The following ATXN7L1 variants were observed in gnomAD, a reference collection of about 807,000 sequenced individuals.
ATXN7L1 encodes the protein ataxin 7 like 1.
In ATXN7L1, 15 loss-of-function variants were observed where a neutral mutation model predicts 70.8. That is an observed-to-expected ratio of 0.21 (90% CI 0.14 to 0.33). The LOEUF is 0.33. Among genes scored for constraint, ATXN7L1 ranks in the 10% least tolerant of loss-of-function variants. The pLI is 1.00. For synonymous variants in ATXN7L1, 440 were observed against 445.1 expected (o/e 0.99, Z 0.14); for missense variants, 975 against 1,097.1 (o/e 0.89, Z 1.57).
intron 11 of ATXN7L1, 121 bp downstream of exon 11, chr7:105,610,408 G>A (rs555585410): frequency 3.4e-5 from 30 of 888,556 alleles, no homozygotes; most frequent in Non-Finnish European, 5.0e-5. Flanking sequence ...TGGAAGCCAG[G>A]TAGCCATGCT....
intron 3 of ATXN7L1, chr7:105,760,180 T>G: frequency 1.0e-6 from 1 of 982,848 alleles, no homozygotes. Context: ...TGTCCATCTA[T>G]CCAACCATCC....
chr7:105,849,175 G>A (rs528518093), intron 2 of ATXN7L1, among the ~76,000 whole-genome samples: 1 of 152,222 alleles, frequency 6.6e-6, no homozygotes, highest in Non-Finnish European at 1.5e-5. Flanking sequence ...GGCCTGAGAG[G>A]AGATGGACAA....
chr7:105,651,893 C>T (rs1799900882), intron 4 of ATXN7L1, among the ~76,000 whole-genome samples: 1 of 152,150 alleles, frequency 6.6e-6, no homozygotes. Context: ...CTCTATAAGC[C>T]CCCCTCTAGG....
chr7:105,834,372 C>T (rs944071963), intron 2 of ATXN7L1, among the ~76,000 whole-genome samples: 1 of 152,164 alleles, frequency 6.6e-6, no homozygotes, highest in South Asian at 2.1e-4. Flanking sequence ...TTGGCTTCAC[C>T]CAGCTGTATA....
chr7:105,720,708 G>A (rs1015883601), intron 3 of ATXN7L1, among the ~76,000 whole-genome samples: 4 of 152,078 alleles, frequency 2.6e-5, no homozygotes, highest in Non-Finnish European at 4.4e-5. Context: ...TAGGCTCAGC[G>A]ATCCTCCAGC....
At chr7:105,750,078 T>C (rs896405125) in intron 3 of ATXN7L1, among the ~76,000 whole-genome samples, 1 of 151,878 alleles carries the variant, frequency 6.6e-6, no homozygotes, top group African/African-American at 2.4e-5. Flanking sequence ...TTCTTCCCAC[T>C]CATTTAAGTG....
intron 2 of ATXN7L1, among the ~76,000 whole-genome samples, chr7:105,792,485 A>G (rs1228619876): frequency 6.6e-6 from 1 of 152,232 alleles, no homozygotes; most frequent in African/African-American, 2.4e-5. Flanking sequence ...GCTGGGGGAC[A>G]AAGCAGGGAG....
intron 7 of ATXN7L1, 128 bp from the exon 8 acceptor site, chr7:105,624,395 TA>T: frequency 1.1e-6 from 1 of 943,034 alleles, no homozygotes; most frequent in Non-Finnish European, 1.4e-6. Flanking sequence ...CTCACGCCTG[TA>T]ATCCCGGCAC....
At chr7:105,799,239 G>T (rs1440382159) in intron 2 of ATXN7L1, among the ~76,000 whole-genome samples, 3 of 152,204 alleles carry the variant, frequency 2.0e-5, no homozygotes, top group Non-Finnish European at 4.4e-5. Context: ...ATCGCAGCAG[G>T]CCTCAGCTGT....
chr7:105,613,807 C>T (rs1047787455), intron 10 of ATXN7L1, 55 bp downstream of exon 10: 2 of 1,551,464 alleles, frequency 1.3e-6, no homozygotes, highest in Non-Finnish European at 1.7e-6. Context: ...AGGGGCGCTG[C>T]CCAGCTCCCC....
intron 3 of ATXN7L1, among the ~76,000 whole-genome samples, chr7:105,685,927 C>A (rs1195549078): frequency 6.6e-6 from 1 of 152,206 alleles, no homozygotes; most frequent in Non-Finnish European, 1.5e-5. Flanking sequence ...GGTCAGAGGT[C>A]ACCTGTTGGC....
intron 3 of ATXN7L1, chr7:105,679,142 T>C (rs1805190032): frequency 3.0e-6 from 3 of 985,902 alleles, no homozygotes; most frequent in African/African-American, 1.7e-5. Context: ...TCCTGGCTCC[T>C]GGATGAGGGC....
intron 3 of ATXN7L1, among the ~76,000 whole-genome samples, chr7:105,733,601 T>C (rs1333861166): frequency 5.1e-5 from 5 of 97,154 alleles, no homozygotes; most frequent in Admixed American, 1.0e-4. Flanking sequence ...CATCCATCCA[T>C]CCACCCATCC....
chr7:105,742,534 AC>A (rs1173376206), intron 3 of ATXN7L1, among the ~76,000 whole-genome samples: 8 of 152,318 alleles, frequency 5.3e-5, no homozygotes, highest in African/African-American at 1.9e-4. Context: ...AGTGAGACAC[AC>A]AGAGGTAGAG....
chr7:105,629,755 T>C (rs766277722), intron 7 of ATXN7L1, among the ~76,000 whole-genome samples: 6 of 152,006 alleles, frequency 3.9e-5, no homozygotes, highest in Admixed American at 6.6e-5. Context: ...TGATCTCAAG[T>C]GAACCACCCA....
At position 105,717,282 on chromosome 7, in the gene ATXN7L1, C is replaced by G. The variant is rs528864013; in HGVS notation, c.356-51994G>C. Among the ~76,000 whole-genome samples, 17 of 152,230 alleles carry G rather than the reference C, an allele frequency of 1.1e-4. No individual in the cohort carries two copies. In the South Asian group the frequency reaches 1.4e-3, roughly 13 times the overall value. ...ACGTGGGATTATAGGTGGACGCCACCACGCCTGGCTAATTTTTGTATTTTT... is the reference window on the plus strand; with the variant it reads ...ACGTGGGATTATAGGTGGACGCCACGACGCCTGGCTAATTTTTGTATTTTT... On this transcript the variant is annotated intron_variant, in intron 3 of 11. Transcript: ENST00000419735.
chr7:105,721,754 C>G (rs1322764933), intron 3 of ATXN7L1, among the ~76,000 whole-genome samples: 1 of 152,222 alleles, frequency 6.6e-6, no homozygotes, highest in Non-Finnish European at 1.5e-5. Context: ...CTGCTCTGCC[C>G]AGGGACATGG....
At chr7:105,855,346 C>T (rs1356513092) in intron 2 of ATXN7L1, among the ~76,000 whole-genome samples, 10 of 152,182 alleles carry the variant, frequency 6.6e-5, no homozygotes, top group Admixed American at 5.9e-4. Flanking sequence ...TGGCTATGTT[C>T]CAATAAAACT....
chr7:105,797,237 C>T (rs927267069), intron 2 of ATXN7L1, among the ~76,000 whole-genome samples: 2 of 152,250 alleles, frequency 1.3e-5, no homozygotes, highest in African/African-American at 4.8e-5. Flanking sequence ...TCCCTGGCTA[C>T]AGCCCAGAGC....
Sources: allele counts gnomAD v4.1 joint callset (sites outside exome capture counted in the v4.1 genomes callset), GRCh38; gene constraint gnomAD v4.1.1; transcripts MANE v1.5; gene names NCBI Gene and HGNC (gene_info 2026-07-23, HGNC 2026-07-21).